The following SNAP25 variants were observed in gnomAD, a reference collection of about 807,000 sequenced individuals.
SNAP25 encodes the protein synaptosomal-associated protein 25.
Under a neutral mutation model 28.7 loss-of-function variants are expected in SNAP25, and 3 were observed. That is an observed-to-expected ratio of 0.10 (90% CI 0.05 to 0.27). SNAP25 has a LOEUF of 0.27. SNAP25 is among the 10% of genes least tolerant of loss of function. The probability of loss-of-function intolerance (pLI) is 1.00; values close to 1 mark genes in which losing one functional copy is unlikely to be tolerated. For missense variants in SNAP25, 117 were observed against 278.7 expected (o/e 0.42, Z 4.13); for synonymous variants, 61 against 88.1 (o/e 0.69, Z 1.72).
At chr20:10,265,171 A>G (rs2063486293) in intron 1 of SNAP25, among the ~76,000 whole-genome samples, 1 of 152,164 alleles carries the variant, frequency 6.6e-6, no homozygotes, top group African/African-American at 2.4e-5. Flanking sequence ...TGCTATGAAA[A>G]GAGGAGATTG....
At chr20:10,252,318 T>TA in intron 1 of SNAP25, among the ~76,000 whole-genome samples, 1 of 152,326 alleles carries the variant, frequency 6.6e-6, no homozygotes, top group East Asian at 1.9e-4. Flanking sequence ...AAAGGGAGGT[T>TA]AAAAAAATTT....
chr20:10,220,866 A>G (rs2062619607), intron 1 of SNAP25, among the ~76,000 whole-genome samples: 1 of 152,226 alleles, frequency 6.6e-6, no homozygotes, highest in African/African-American at 2.4e-5. Flanking sequence ...CTGTCCATAT[A>G]CAGAAGGTAA....
intron 7 of SNAP25, among the ~76,000 whole-genome samples, chr20:10,302,316 G>T (rs890146744): frequency 6.6e-5 from 10 of 152,210 alleles, no homozygotes; most frequent in Non-Finnish European, 1.0e-4. Context: ...TGATTCTTTA[G>T]CAGTCCTCAC....
At chr20:10,275,209 G>A (rs1347931884) in intron 1 of SNAP25, among the ~76,000 whole-genome samples, 3 of 151,978 alleles carry the variant, frequency 2.0e-5, no homozygotes, top group Non-Finnish European at 4.4e-5. Context: ...TATTTCATCG[G>A]TAGATAGGTG....
At chr20:10,282,603 G>A (rs2063801085) in intron 3 of SNAP25, among the ~76,000 whole-genome samples, 1 of 152,224 alleles carries the variant, frequency 6.6e-6, no homozygotes, top group Non-Finnish European at 1.5e-5. Context: ...TCAAGAAAGT[G>A]TAAACAGATG....
In SNAP25 at chr20:10,280,229, G is replaced by A. The variant is rs1233207845; in HGVS notation, c.114+2503G>A. On this transcript the variant is annotated intron_variant, in intron 3 of 7. Transcript: ENST00000254976. The stretch of plus-strand genomic sequence containing the variant: ...CCTTAACAGACTCCAGGGTGTAGCC[G>A]TGGTTAGGGGTGGGGCCTTGCTTTT... 2.6e-5 allele frequency among the ~76,000 whole-genome samples: 4 copies of A among 152,166 alleles called. 1 individual carries two copies. Among genetic ancestry groups the A allele is most frequent in the South Asian group, 4.1e-4 (2 of 4,824 alleles).
In SNAP25 at chr20:10,259,219, A is replaced by G. The variant is rs566275257; in HGVS notation, c.-63-16210A>G. ...GAATGCCCATGTTTTTTGATATGAG[A>G]TTATCAGATTAATCTGAGGAATAAC... On this transcript the variant is annotated intron_variant, in intron 1 of 7. Transcript: ENST00000254976. Among the ~76,000 whole-genome samples, 169 of 152,308 alleles carry G rather than the reference A, an allele frequency of 1.1e-3. 1 individual carries two copies. The highest frequency in any genetic ancestry group is 8.3e-3 in the South Asian group (40 of 4,830).
At chr20:10,285,323 G>T (rs1228033031) in intron 4 of SNAP25, among the ~76,000 whole-genome samples, 1 of 152,106 alleles carries the variant, frequency 6.6e-6, no homozygotes, top group Non-Finnish European at 1.5e-5. Flanking sequence ...CTGTTTTAAA[G>T]ATTATTACAG....
intron 7 of SNAP25, among the ~76,000 whole-genome samples, chr20:10,299,963 T>G (rs1239927274): frequency 6.6e-6 from 1 of 152,232 alleles, no homozygotes; most frequent in Non-Finnish European, 1.5e-5. Context: ...ATAGTCAGTA[T>G]AGCCAGGACA....
intron 1 of SNAP25, among the ~76,000 whole-genome samples, chr20:10,229,532 G>A (rs2062789679): frequency 1.3e-5 from 2 of 152,128 alleles, no homozygotes; most frequent in South Asian, 4.1e-4. Flanking sequence ...TTTAAGGTTG[G>A]AAAAGGCTTC....
chr20:10,241,596 A>G (rs913580307), intron 1 of SNAP25, among the ~76,000 whole-genome samples: 8 of 151,998 alleles, frequency 5.3e-5, no homozygotes, highest in Non-Finnish European at 1.5e-5. Flanking sequence ...TGGTCGAGAG[A>G]GACGGGTCAG....
intron 1 of SNAP25, among the ~76,000 whole-genome samples, chr20:10,223,083 T>C (rs544798446): frequency 7.2e-5 from 11 of 152,326 alleles, no homozygotes; most frequent in Admixed American, 2.0e-4. Flanking sequence ...TCTGAGCATG[T>C]TTTGAGCAGC....
intron 1 of SNAP25, among the ~76,000 whole-genome samples, chr20:10,233,053 A>C (rs530059733): frequency 1.8e-4 from 27 of 152,300 alleles, no homozygotes; most frequent in Admixed American, 9.8e-4. Flanking sequence ...CAGCTCAAGG[A>C]TACAGTGAGA....
At chr20:10,300,361 A>G (rs1227702263) in intron 7 of SNAP25, among the ~76,000 whole-genome samples, 1 of 152,206 alleles carries the variant, frequency 6.6e-6, no homozygotes, top group East Asian at 1.9e-4. Context: ...AATATTGATT[A>G]CAAACTCTTA....
At chr20:10,222,674 A>T (rs769279718) in intron 1 of SNAP25, among the ~76,000 whole-genome samples, 1 of 152,196 alleles carries the variant, frequency 6.6e-6, no homozygotes. Context: ...AATATCCAGA[A>T]ATTACTATTG....
At chr20:10,271,674 T>C (rs1310705486) in intron 1 of SNAP25, among the ~76,000 whole-genome samples, 1 of 152,040 alleles carries the variant, frequency 6.6e-6, no homozygotes, top group Non-Finnish European at 1.5e-5. Context: ...ATAACAACTT[T>C]GAGAGGAGAT....
chr20:10,233,658 A>G (rs2206162), intron 1 of SNAP25, among the ~76,000 whole-genome samples: 14,527 of 152,128 alleles, frequency 0.095, 2,112 homozygotes, highest in African/African-American at 0.31. Flanking sequence ...CTTCTCTCTC[A>G]AGGTGGAAGA....
chr20:10,286,520 G>C (rs1028103644), intron 4 of SNAP25, among the ~76,000 whole-genome samples: 4 of 152,142 alleles, frequency 2.6e-5, no homozygotes, highest in African/African-American at 9.7e-5. Context: ...GGAGCCCTGT[G>C]TTGGGCAGAA....
chr20:10,256,878 T>C (rs952968786), intron 1 of SNAP25, among the ~76,000 whole-genome samples: 29 of 152,160 alleles, frequency 1.9e-4, no homozygotes, highest in African/African-American at 6.8e-4. Context: ...AAAATGTCAT[T>C]TGAGCAATGT....
Sources: gnomAD v4.1 joint callset for allele counts (sites outside exome capture counted in the v4.1 genomes callset) on GRCh38, gnomAD v4.1.1 for gene constraint, MANE v1.5 for transcripts, NCBI Gene and HGNC (gene_info 2026-07-23, HGNC 2026-07-21) for gene names.